Variants in ZFAT observed in about 807,000 individuals in gnomAD.
ZFAT encodes zinc finger protein ZFAT.
In ZFAT, 64 loss-of-function variants were observed where a neutral mutation model predicts 117.7. That is an observed-to-expected ratio of 0.54 (90% CI 0.44 to 0.67). The LOEUF is 0.67. ZFAT is among the 30% of genes least tolerant of loss of function. The pLI, the probability that ZFAT is intolerant of heterozygous loss-of-function variation, is 0.00. For synonymous variants in ZFAT, 679 were observed against 615.0 expected (o/e 1.10, Z -1.54); for missense variants, 1,433 against 1,584.5 (o/e 0.90, Z 1.62).
At chr8:134,674,870 C>T in intron 1 of ZFAT, 1 of 179,754 alleles carries the variant, frequency 5.6e-6, no homozygotes, top group Non-Finnish European at 1.2e-5. Flanking sequence ...GAGCGGACCT[C>T]CAGCAAACTC....
At chr8:134,520,111 G>C (rs1342877055) in intron 13 of ZFAT, among the ~76,000 whole-genome samples, 5 of 152,152 alleles carry the variant, frequency 3.3e-5, no homozygotes, top group African/African-American at 4.8e-5. Context: ...AAGTGAGGGT[G>C]ATTTTTACCC....
chr8:134,670,028 G>A (rs1832472669), intron 1 of ZFAT, among the ~76,000 whole-genome samples: 1 of 152,130 alleles, frequency 6.6e-6, no homozygotes, highest in Non-Finnish European at 1.5e-5. Context: ...ATGGTAAAGG[G>A]ACCAATTCAA....
At chr8:134,727,828 A>T in the ZFAT span, among the ~76,000 whole-genome samples, 22 of 152,280 alleles carry the variant, frequency 1.4e-4, no homozygotes, top group African/African-American at 5.1e-4. Flanking sequence ...TGTGCCAATA[A>T]AAGTTTATTT....
intron 3 of ZFAT, among the ~76,000 whole-genome samples, chr8:134,628,215 T>C (rs1306387331): frequency 6.6e-6 from 1 of 152,050 alleles, no homozygotes; most frequent in Non-Finnish European, 1.5e-5. Context: ...GCCAGGATCA[T>C]TGAAGGTCAA....
At chr8:134,712,786 G>GCGCGC (rs1256613379) in intron 1 of ZFAT, 59 bp downstream of exon 1, 221 of 1,397,584 alleles carry the variant, frequency 1.6e-4, no homozygotes, top group Admixed American at 3.3e-4. Flanking sequence ...ACGGCTTTCC[G>GCGCGC]CGCGCCGCGC....
chr8:134,541,703 C>A (rs1034498636), intron 11 of ZFAT, among the ~76,000 whole-genome samples: 1 of 152,162 alleles, frequency 6.6e-6, no homozygotes, highest in Non-Finnish European at 1.5e-5. Flanking sequence ...TGAGGAATGA[C>A]AATCGCAGGA....
the ZFAT span, among the ~76,000 whole-genome samples, chr8:134,800,863 A>C: frequency 1.3e-5 from 2 of 152,106 alleles, no homozygotes; most frequent in Admixed American, 6.6e-5. Flanking sequence ...CTTATTAATA[A>C]AATTTTTTTT....
At chr8:134,601,360 A>G in intron 6 of ZFAT, 117 bp downstream of exon 6, 1 of 1,420,282 alleles carries the variant, frequency 7.0e-7, no homozygotes, top group South Asian at 1.4e-5. Flanking sequence ...ACAATGGAGG[A>G]GGATGGCTCA....
At chr8:134,611,831 G>A (rs1367886168) in intron 3 of ZFAT, among the ~76,000 whole-genome samples, 2 of 152,246 alleles carry the variant, frequency 1.3e-5, no homozygotes, top group Admixed American at 6.5e-5. Flanking sequence ...GATTATATTT[G>A]TGCCGCTGCT....
chr8:134,478,699 G>C lies in ZFAT; in HGVS notation c.3515C>G (p.Ser1172Cys). 1 of 1,573,010 alleles carries C rather than the reference G, an allele frequency of 6.4e-7. No individual in the cohort carries two copies. Among genetic ancestry groups the C allele is most frequent in the South Asian group, 1.2e-5 (1 of 85,438 alleles). Residue 1172 changes from serine (S) to cysteine (C), a missense_variant, in exon 16 of 16, where the codon TCC becomes TGC. Physicochemically the swap from Ser to Cys is moderately radical, Grantham distance 112 (BLOSUM62 -1). Around this residue, in one of 5 missense-constraint regions of ZFAT, gnomAD observed 503 missense variants for 543.4 expected, o/e 0.93. Transcript: ENST00000377838. The surrounding 1 kb of genome is among the most constrained non-coding windows in gnomAD (Gnocchi z 5.2). ...VKQVTEEEPSSNHTVMIQETV... is the reference protein window; with the variant it reads ...VKQVTEEEPSCNHTVMIQETV... ...CTCCTGGATCATGACCGTGTGGTTGGAGCTGGGCTCCTCCTCGGTGACCTG... is the reference window on the plus strand; with the variant it reads ...CTCCTGGATCATGACCGTGTGGTTGCAGCTGGGCTCCTCCTCGGTGACCTG...
intron 2 of ZFAT, among the ~76,000 whole-genome samples, chr8:134,641,009 C>T (rs531990685): frequency 6.6e-6 from 1 of 152,100 alleles, no homozygotes; most frequent in South Asian, 2.1e-4. Flanking sequence ...GATGTCTCTC[C>T]AGTAAATCCC....
chr8:134,805,174 G>T, the ZFAT span, among the ~76,000 whole-genome samples: 1 of 152,120 alleles, frequency 6.6e-6, no homozygotes, highest in African/African-American at 2.4e-5. Flanking sequence ...ATTTATCTTG[G>T]TAAGTATGAA....
the ZFAT span, among the ~76,000 whole-genome samples, chr8:134,739,478 GCCTC>G: frequency 6.6e-6 from 1 of 152,204 alleles, no homozygotes; most frequent in African/African-American, 2.4e-5. Context: ...GCAGGTCATA[GCCTC>G]TCTCTGTCTT....
chr8:134,693,382 G>A (rs1488018117), intron 1 of ZFAT, among the ~76,000 whole-genome samples: 1 of 152,108 alleles, frequency 6.6e-6, no homozygotes, highest in Non-Finnish European at 1.5e-5. Flanking sequence ...TAAACAATGA[G>A]AAAAGATTAC....
chr8:134,504,253 ACAATGC>A (rs1423865633), intron 15 of ZFAT, among the ~76,000 whole-genome samples: 1 of 152,112 alleles, frequency 6.6e-6, no homozygotes, highest in Admixed American at 6.5e-5. Context: ...CTGACACCCC[ACAATGC>A]CCTAGCACCC....
At chr8:134,677,937 G>A (rs1324183557) in intron 1 of ZFAT, among the ~76,000 whole-genome samples, 1 of 152,144 alleles carries the variant, frequency 6.6e-6, no homozygotes, top group East Asian at 1.9e-4. Context: ...AGGTATTGAT[G>A]GAACGTATCT....
chr8:134,799,589 G>A, the ZFAT span, among the ~76,000 whole-genome samples: 1 of 152,138 alleles, frequency 6.6e-6, no homozygotes. Context: ...AATCCTATCA[G>A]GTAGGTGCTA....
chr8:134,792,317 C>T, the ZFAT span: 1 of 152,154 alleles, frequency 6.6e-6, no homozygotes, highest in Non-Finnish European at 1.5e-5. Flanking sequence ...CACTGTATGG[C>T]ACAAAGTATC....
At chr8:134,706,749 G>C (rs1008791074) in intron 1 of ZFAT, among the ~76,000 whole-genome samples, 1 of 152,030 alleles carries the variant, frequency 6.6e-6, no homozygotes, top group Non-Finnish European at 1.5e-5. Flanking sequence ...GCAGGGATGG[G>C]ATAGTAAGGG....
Sources: gnomAD v4.1 joint callset for allele counts (sites outside exome capture counted in the v4.1 genomes callset) on GRCh38, gnomAD v4.1.1 for gene constraint, gnomAD v4.1.1 regional missense constraint, Gnocchi (gnomAD v3.1) non-coding constraint, MANE v1.5 for transcripts, NCBI Gene and HGNC (gene_info 2026-07-23, HGNC 2026-07-21) for gene names.